SPAG6: variants seen among roughly 807,000 people sequenced by gnomAD.
The protein encoded by SPAG6 is sperm-associated antigen 6.
SPAG6 carries 49 observed loss-of-function variants against 58.5 expected under a neutral mutation model. The observed-to-expected ratio is 0.84, with a 90% CI of 0.67 to 1.06. SPAG6 has a LOEUF of 1.06. SPAG6 is among the 50% of genes least tolerant of loss of function. The pLI, the probability that SPAG6 is intolerant of heterozygous loss-of-function variation, is 0.00. For missense variants in SPAG6, 560 were observed against 611.3 expected (o/e 0.92, Z 0.89); for synonymous variants, 233 against 225.6 (o/e 1.03, Z -0.29).
At chr10:22,346,494 TTC>T (rs1241703831) in intron 2 of SPAG6, among the ~76,000 whole-genome samples, 1 of 134,118 alleles carries the variant, frequency 7.5e-6, no homozygotes, top group African/African-American at 3.3e-5. Flanking sequence ...CTTCTTCTTC[TTC>T]TTTCTTCTTC....
At chr10:22,360,415 G>A (rs1837000631) in intron 2 of SPAG6, among the ~76,000 whole-genome samples, 1 of 148,954 alleles carries the variant, frequency 6.7e-6, no homozygotes, top group African/African-American at 2.5e-5. Flanking sequence ...CAATACTTTG[G>A]GAGTCCAGGA....
chr10:22,387,129 G>A (rs1834083411), intron 5 of SPAG6, among the ~76,000 whole-genome samples, 170 bp downstream of exon 5: 1 of 152,028 alleles, frequency 6.6e-6, no homozygotes, highest in Non-Finnish European at 1.5e-5. Context: ...AATACTGTAA[G>A]GATTAGATAA....
At chr10:22,386,258 A>T (rs980613136) in intron 4 of SPAG6, among the ~76,000 whole-genome samples, 2 of 152,206 alleles carry the variant, frequency 1.3e-5, no homozygotes, top group Non-Finnish European at 2.9e-5. Context: ...AAAATCTTTT[A>T]AAAGTACTAC....
intron 2 of SPAG6, among the ~76,000 whole-genome samples, chr10:22,363,987 T>C (rs1240308273): frequency 6.6e-6 from 1 of 152,192 alleles, no homozygotes; most frequent in African/African-American, 2.4e-5. Context: ...TTTGCAGAAT[T>C]TACAGTAAGG....
At chr10:22,406,887 T>G (rs1377083846) in intron 9 of SPAG6, among the ~76,000 whole-genome samples, 1 of 151,682 alleles carries the variant, frequency 6.6e-6, no homozygotes, top group Admixed American at 6.6e-5. Flanking sequence ...TTTACCATTA[T>G]GTAATGGCCT....
intron 8 of SPAG6, among the ~76,000 whole-genome samples, chr10:22,400,265 C>G (rs1416273212): frequency 3.9e-5 from 6 of 152,068 alleles, no homozygotes; most frequent in Admixed American, 1.3e-4. Context: ...CATAAGGGAG[C>G]ACTGAAGCAC....
At chr10:22,346,027 T>C (rs538081146) in intron 2 of SPAG6, 1 of 1,543,518 alleles carries the variant, frequency 6.5e-7, no homozygotes, top group Admixed American at 2.0e-5. Context: ...TGTCCCTGTT[T>C]CCATCTTCAT....
intron 2 of SPAG6, among the ~76,000 whole-genome samples, chr10:22,363,313 G>A (rs1174678226): frequency 6.6e-6 from 1 of 152,088 alleles, no homozygotes; most frequent in Admixed American, 6.5e-5. Flanking sequence ...ACCTTGTTCT[G>A]TGCTTTAAAC....
intron 4 of SPAG6, among the ~76,000 whole-genome samples, chr10:22,386,140 T>G (rs115669105): frequency 0.015 from 2,326 of 152,306 alleles, 44 homozygotes; most frequent in African/African-American, 0.052. Context: ...TATCTAAACA[T>G]TAGCATTTAT....
At chr10:22,354,096 T>C (rs1171471084) in intron 2 of SPAG6, among the ~76,000 whole-genome samples, 2 of 152,190 alleles carry the variant, frequency 1.3e-5, no homozygotes, top group African/African-American at 4.8e-5. Context: ...TGGAAAGCCA[T>C]TGAAGTGTTT....
chr10:22,403,362 C>T (rs542921670), intron 9 of SPAG6, among the ~76,000 whole-genome samples: 53 of 151,952 alleles, frequency 3.5e-4, no homozygotes, highest in Non-Finnish European at 6.3e-4. Flanking sequence ...TCAATTCCCA[C>T]CTATGAGTGA....
intron 3 of SPAG6, among the ~76,000 whole-genome samples, chr10:22,367,467 G>A (rs556959619): frequency 5.3e-4 from 81 of 152,110 alleles, no homozygotes; most frequent in African/African-American, 1.9e-3. Context: ...TTTTTCTCCT[G>A]TAATTTTCAT....
intron 4 of SPAG6, among the ~76,000 whole-genome samples, chr10:22,371,643 G>C (rs1833697659): frequency 6.6e-6 from 1 of 152,060 alleles, no homozygotes; most frequent in South Asian, 2.1e-4. Flanking sequence ...GAATATTAGT[G>C]AAAAACTGTT....
At chr10:22,362,518 A>C (rs1169243717) in intron 2 of SPAG6, among the ~76,000 whole-genome samples, 1 of 151,856 alleles carries the variant, frequency 6.6e-6, no homozygotes, top group Non-Finnish European at 1.5e-5. Context: ...AGATGGGAGG[A>C]TCTCTTGAGC....
intron 10 of SPAG6, among the ~76,000 whole-genome samples, chr10:22,416,085 A>G (rs1834858483): frequency 6.6e-6 from 1 of 152,100 alleles, no homozygotes; most frequent in Non-Finnish European, 1.5e-5. Flanking sequence ...TAGTTTTTCA[A>G]TACTAAATTA....
At position 22,411,082 on chromosome 10, in the gene SPAG6, C is replaced by T; in HGVS notation, c.1366C>T (p.Leu456Phe). Residue 456 changes from leucine (L) to phenylalanine (F), a missense_variant, in exon 10 of 11, where the codon CTT becomes TTT. Physicochemically the swap from Leu to Phe is conservative, Grantham distance 22. Transcript: ENST00000376624. Reference sequence around the variant, plus strand: ...ACGACTTTTTGTAACAAGTGGTGGCCTTAAAAAAGTTCAAGAGATAAAAGC... The same window carrying T: ...ACGACTTTTTGTAACAAGTGGTGGCTTTAAAAAAGTTCAAGAGATAAAAGC... ...ARRLFVTSGG[L>F]KKVQEIKAEP... 6.2e-7 allele frequency: 1 copy of T among 1,614,028 alleles called. No individual in the cohort carries two copies. Among genetic ancestry groups the T allele is most frequent in the Middle Eastern group, 1.7e-4 (1 of 6,060 alleles).
chr10:22,383,288 C>G (rs1186824642), intron 4 of SPAG6, among the ~76,000 whole-genome samples: 1 of 152,100 alleles, frequency 6.6e-6, no homozygotes, highest in Non-Finnish European at 1.5e-5. Context: ...GGGAAGTGAT[C>G]TTTAGGTGTG....
At chr10:22,354,482 T>C (rs551720811) in intron 2 of SPAG6, among the ~76,000 whole-genome samples, 3 of 152,312 alleles carry the variant, frequency 2.0e-5, no homozygotes, top group African/African-American at 7.2e-5. Context: ...TGTAGAGTGC[T>C]AGGGCTCAGG....
chr10:22,346,485 TTC>T (rs1564357315), intron 2 of SPAG6, among the ~76,000 whole-genome samples: 10 of 139,166 alleles, frequency 7.2e-5, no homozygotes, highest in African/African-American at 3.3e-4. Flanking sequence ...CTTCTTCTTC[TTC>T]TTCTTCTTCT....
Sources: allele counts gnomAD v4.1 joint callset (sites outside exome capture counted in the v4.1 genomes callset), GRCh38; gene constraint gnomAD v4.1.1; transcripts MANE v1.5; gene names NCBI Gene and HGNC (gene_info 2026-07-23, HGNC 2026-07-21).